CLASP2: variants seen among roughly 807,000 people sequenced by gnomAD.
The protein encoded by CLASP2 is CLIP-associating protein 2.
Under a neutral mutation model 194.4 loss-of-function variants are expected in CLASP2, and 47 were observed. The ratio of observed to expected loss-of-function variants is 0.24; its 90% CI spans 0.19 to 0.31. The LOEUF (loss-of-function observed/expected upper bound fraction) is 0.31, where lower values mean the gene tolerates loss of function less well. Ranked by LOEUF, CLASP2 falls within the 10% of genes least tolerant of loss-of-function variation. CLASP2 has a pLI of 1.00. For synonymous variants in CLASP2, 619 were observed against 633.5 expected (o/e 0.98, Z 0.34); for missense variants, 1,445 against 1,823.6 (o/e 0.79, Z 3.78).
chr3:33,570,868 T>A, intron 25 of CLASP2, 78 bp from the exon 26 acceptor site: 1 of 1,175,958 alleles, frequency 8.5e-7, no homozygotes, highest in Non-Finnish European at 1.1e-6. Flanking sequence ...CATATAATTT[T>A]CTTTAAAAAA....
At chr3:33,673,151 A>G (rs1215805038) in intron 6 of CLASP2, among the ~76,000 whole-genome samples, 3 of 152,200 alleles carry the variant, frequency 2.0e-5, no homozygotes, top group Non-Finnish European at 4.4e-5. Context: ...CAGATTCACC[A>G]AGGTTGAAAT....
At chr3:33,635,220 C>T (rs866624298) in intron 8 of CLASP2, among the ~76,000 whole-genome samples, 11 of 151,608 alleles carry the variant, frequency 7.3e-5, no homozygotes, top group African/African-American at 2.2e-4. Flanking sequence ...GAACTGAGAT[C>T]GTGCCACTGC....
intron 37 of CLASP2, among the ~76,000 whole-genome samples, chr3:33,507,324 C>T (rs577292370): frequency 3.9e-5 from 6 of 152,292 alleles, no homozygotes; most frequent in African/African-American, 1.2e-4. Flanking sequence ...AGAAATTTGG[C>T]AGTTTTCCTC....
intron 7 of CLASP2, among the ~76,000 whole-genome samples, chr3:33,657,642 CTTAT>C (rs1367844310): frequency 1.3e-5 from 2 of 151,162 alleles, no homozygotes; most frequent in Non-Finnish European, 2.9e-5. Context: ...TATATGAGAA[CTTAT>C]TTGTTAATCC....
At chr3:33,526,619 A>C (rs1483899342) in intron 34 of CLASP2, among the ~76,000 whole-genome samples, 1 of 152,196 alleles carries the variant, frequency 6.6e-6, no homozygotes, top group Non-Finnish European at 1.5e-5. Flanking sequence ...TCAACATTGG[A>C]CCAAATGGAT....
In CLASP2 at chr3:33,566,723, C is replaced by T. The variant is rs774436053; in HGVS notation, c.2766+9G>A. ...AGTTAGGTTTCCAACAAATATTGAA[C>T]CAACTTACTCTCTATTGAGAGTTCC... On this transcript the variant is annotated intron_variant, in intron 27 of 38. Transcript: ENST00000682230. The T allele has an allele frequency of 2.7e-5, 12 of 448,026 alleles. No individual in the cohort carries two copies. Among genetic ancestry groups the T allele is most frequent in the Non-Finnish European group, 4.0e-5 (9 of 223,216 alleles). 27.8% of individuals were successfully genotyped at this position (448,026 alleles called of 1,614,324 possible).
intron 1 of CLASP2, among the ~76,000 whole-genome samples, chr3:33,714,233 A>G (rs2093178208): frequency 6.6e-6 from 1 of 152,200 alleles, no homozygotes; most frequent in Non-Finnish European, 1.5e-5. Flanking sequence ...CCATAATGCC[A>G]TTTAAAAATT....
rs1390890534 is a variant in CLASP2 at position 33,717,810 on chromosome 3, G to T, written c.193C>A (p.Arg65=). The change falls in exon 1 of 39, where the codon CGG becomes AGG. Residue 65 remains arginine (R), a splice_region_variant and synonymous_variant. Transcript: ENST00000682230. The part of the protein sequence containing the change: ...LTGWVGSSNY[R]VSLMGLEILS... The stretch of plus-strand genomic sequence containing the variant: ...CCAGCCTCGCCGCCGTCGCTTACCC[G>T]GTAGTTGCTCGAACCCACCCAGCCG... 1 of 1,556,548 alleles carries T rather than the reference G, an allele frequency of 6.4e-7. No homozygotes were observed. The highest frequency in any genetic ancestry group is 1.4e-5 in the African/African-American group (1 of 73,506).
chr3:33,643,249 C>CTAA (rs2081647971), intron 8 of CLASP2, among the ~76,000 whole-genome samples: 1 of 151,742 alleles, frequency 6.6e-6, no homozygotes, highest in African/African-American at 2.4e-5. Flanking sequence ...ATTATCACCA[C>CTAA]AAATCTCAAA....
chr3:33,554,622 G>C (rs1287113658), intron 29 of CLASP2: 1 of 152,334 alleles, frequency 6.6e-6, no homozygotes, highest in African/African-American at 2.4e-5. Flanking sequence ...TAGCTATCAA[G>C]GACAGTAACT....
intron 11 of CLASP2, 49 bp downstream of exon 11, chr3:33,622,086 T>C (rs370326494): frequency 4.4e-5 from 59 of 1,343,222 alleles, no homozygotes; most frequent in Non-Finnish European, 5.3e-5. Flanking sequence ...AATCAGTGAA[T>C]ACTAAATTCA....
chr3:33,678,740 G>A (rs1444389976), intron 6 of CLASP2, among the ~76,000 whole-genome samples: 1 of 152,140 alleles, frequency 6.6e-6, no homozygotes, highest in Admixed American at 6.5e-5. Context: ...ACGAGGAAAA[G>A]TACAAAGCTC....
Position 33,516,238 on chromosome 3 carries a change from T to C in CLASP2, c.3982-87A>G, listed in dbSNP as rs2051274355. The C allele has an allele frequency of 5.5e-6, 7 of 1,281,504 alleles. No homozygotes were observed. In the South Asian group the frequency reaches 1.2e-4, roughly 21 times the overall value. The allele number at this position is 1,281,504 out of a possible 1,614,324, so 79.4% of individuals were successfully genotyped here. A position where few individuals can be genotyped will look rare whatever the true frequency, so the allele number is the denominator to read the frequency against. On this transcript the variant is annotated intron_variant, in intron 35 of 38. Coordinates refer to ENST00000682230, the MANE Select transcript of CLASP2 (RefSeq NM_001365631.1). Reference sequence around the variant, plus strand: ...AATTTTTGTAACTTAAGGGTCTTAATATTGGGGGAGGAGTTGTAGATAACT... The same window carrying C: ...AATTTTTGTAACTTAAGGGTCTTAACATTGGGGGAGGAGTTGTAGATAACT...
rs753202843 is a variant in CLASP2, at chr3:33,516,965, A to G, written c.3981+16T>C. ...ACAGGAAGGAAAGGCTACTGTTTAC[A>G]TATTTTGCCATTTACCTCTTTATCT... On this transcript the variant is annotated intron_variant, in intron 35 of 38. Coordinates refer to ENST00000682230, the MANE Select transcript of CLASP2 (RefSeq NM_001365631.1). 1.1e-5 allele frequency: 18 copies of G among 1,604,600 alleles called. No homozygotes were observed. Among genetic ancestry groups the G allele is most frequent in the South Asian group, 1.1e-5 (1 of 90,352 alleles).
At chr3:33,612,965 A>G (rs1362310503) in intron 12 of CLASP2, among the ~76,000 whole-genome samples, 1 of 152,228 alleles carries the variant, frequency 6.6e-6, no homozygotes, top group Non-Finnish European at 1.5e-5. Context: ...AGTGTTCGAT[A>G]GTTCAGTAGG....
Position 33,535,451 on chromosome 3 carries a change from C to T in CLASP2, c.3569G>A (p.Gly1190Asp). Residue 1190 changes from glycine (G) to aspartate (D), a missense_variant, in exon 34 of 39, where the codon GGT (glycine) becomes GAT (aspartate). By Grantham distance (94) the Gly-to-Asp change is moderately conservative. Around this residue, in one of 4 missense-constraint regions of CLASP2, gnomAD observed 732 missense variants for 987.9 expected, o/e 0.74. Coordinates refer to ENST00000682230, the MANE Select transcript of CLASP2 (RefSeq NM_001365631.1). ...KKDDGDSMCG[G>D]PGMSDPRAGG... ...TGCTCTTGGGTCAGACATCCCAGGA[C>T]CACCACACATCTATCAATGGGAAGT... is the stretch of plus-strand genomic sequence containing the variant. 3.1e-6 allele frequency: 5 copies of T among 1,613,132 alleles called. No homozygotes were observed. The highest frequency in any genetic ancestry group is 4.2e-6 in the Non-Finnish European group (5 of 1,179,242).
intron 31 of CLASP2, 43 bp from the exon 32 acceptor site, chr3:33,543,582 G>T: frequency 1.6e-6 from 2 of 1,259,678 alleles, no homozygotes; most frequent in South Asian, 1.2e-5. Flanking sequence ...TTACAGGTAA[G>T]TTCACTTAAA....
chr3:33,679,537 A>C (rs1323765251), intron 6 of CLASP2, among the ~76,000 whole-genome samples: 1 of 152,232 alleles, frequency 6.6e-6, no homozygotes, highest in Non-Finnish European at 1.5e-5. Context: ...AAAACTCAAC[A>C]ATAAGGAAGT....
chr3:33,522,140 C>G (rs183426556), intron 34 of CLASP2, among the ~76,000 whole-genome samples: 1 of 152,160 alleles, frequency 6.6e-6, no homozygotes. Context: ...CTATTGCAAG[C>G]CCTTCCCCCT....
Sources: allele counts gnomAD v4.1 joint callset (sites outside exome capture counted in the v4.1 genomes callset), GRCh38; gene constraint gnomAD v4.1.1; regional missense constraint gnomAD v4.1.1; transcripts MANE v1.5; gene names NCBI Gene and HGNC (gene_info 2026-07-23, HGNC 2026-07-21).